The following ATP11C variants were observed in gnomAD, a reference collection of about 807,000 sequenced individuals.
ATP11C encodes the protein ATPase phospholipid transporting 11C (ATP11C blood group).
In ATP11C, 36 loss-of-function variants were observed where a neutral mutation model predicts 97.4. The observed-to-expected ratio is 0.37, with a 90% CI of 0.28 to 0.49. ATP11C has a LOEUF of 0.49. Among genes scored for constraint, ATP11C ranks in the 20% least tolerant of loss-of-function variants. The pLI is 0.98. For synonymous variants in ATP11C, 275 were observed against 290.9 expected, an observed-to-expected ratio of 0.95 and a Z score of 0.56; for missense variants, 730 against 824.6, an observed-to-expected ratio of 0.89 and a Z score of 1.40.
At position 139,745,762 on chromosome X, in the gene ATP11C, T is replaced by C; in HGVS notation, c.2924A>G (p.Tyr975Cys). 1 of 1,208,132 alleles carries C rather than the reference T, an allele frequency of 8.3e-7. No individual in the cohort carries two copies. The highest frequency in any genetic ancestry group is 1.7e-5 in the African/African-American group (1 of 57,573). ...TAGGGATGCAGTCTGAAAAAGAAAG[T>C]AAGTCCCAAAGAAGAACACTGTCCC... ...FEGTVFFFGT[Y>C]FLFQTASLEE... Residue 975 changes from tyrosine to cysteine, a missense_variant, in exon 25 of 30, where the codon TAC (tyrosine) becomes TGC (cysteine). Coordinates refer to ENST00000682941, the MANE Select transcript of ATP11C (RefSeq NM_001353812.2).
At chrX:139,740,673 C>T (rs1371751625) in intron 27 of ATP11C, among the ~76,000 whole-genome samples, 3 of 111,340 alleles carry the variant, frequency 2.7e-5, no homozygotes, top group Admixed American at 9.5e-5. Flanking sequence ...ATGAGTATTT[C>T]CTCTGAAAAT....
Position 139,728,358 on chromosome X carries a change from G to A in ATP11C, c.*608C>T, listed in dbSNP as rs1450960845. The A allele has an allele frequency of 8.9e-6, 1 of 112,034 alleles. No homozygotes were observed. Among genetic ancestry groups the A allele is most frequent in the Non-Finnish European group, 1.9e-5 (1 of 53,035 alleles). 9.2% of individuals were successfully genotyped at this position (112,034 alleles called of 1,213,427 possible). On this transcript the variant is annotated 3_prime_UTR_variant, in exon 30 of 30. Coordinates refer to ENST00000682941, the MANE Select transcript of ATP11C (RefSeq NM_001353812.2). ...AGCGTTCAAGGTATTTTTTTGGCAAGAATATTCTACCAAGACATTAGTAGC... is the reference window on the plus strand; with the variant it reads ...AGCGTTCAAGGTATTTTTTTGGCAAAAATATTCTACCAAGACATTAGTAGC...
chrX:139,916,261 G>C (rs1353175782), intron 1 of ATP11C, among the ~76,000 whole-genome samples: 1 of 107,742 alleles, frequency 9.3e-6, no homozygotes, highest in Non-Finnish European at 1.9e-5. Flanking sequence ...ACATCACTTA[G>C]TCTTTGATCT....
intron 25 of ATP11C, among the ~76,000 whole-genome samples, chrX:139,744,665 C>A (rs998147679): frequency 8.9e-6 from 1 of 111,914 alleles, no homozygotes; most frequent in African/African-American, 3.2e-5. Flanking sequence ...CAAATCCATT[C>A]TTCTTACTGA....
intron 1 of ATP11C, among the ~76,000 whole-genome samples, chrX:139,848,623 C>T (rs766640955): frequency 1.8e-5 from 2 of 110,618 alleles, no homozygotes; most frequent in South Asian, 7.8e-4. Flanking sequence ...TTTCAGCCTC[C>T]TGAGTAGCTG....
At chrX:139,852,637 A>C (rs999425458) in intron 1 of ATP11C, among the ~76,000 whole-genome samples, 1 of 109,559 alleles carries the variant, frequency 9.1e-6, no homozygotes, top group African/African-American at 3.3e-5. Context: ...GATCACCAAC[A>C]ACCCTGCTTA....
At chrX:139,830,573 T>C (rs1046218993) in intron 1 of ATP11C, among the ~76,000 whole-genome samples, 3 of 111,723 alleles carry the variant, frequency 2.7e-5, no homozygotes, top group African/African-American at 9.8e-5. Flanking sequence ...GCTACTTGGA[T>C]TATCAGCAAA....
intron 26 of ATP11C, 33 bp downstream of exon 26, chrX:139,743,526 A>G: frequency 1.0e-6 from 1 of 955,393 alleles, no homozygotes. Flanking sequence ...TAAAAACAGT[A>G]TTAAAAAATA....
chrX:139,771,460 C>T (rs778469612), intron 19 of ATP11C, among the ~76,000 whole-genome samples: 32 of 111,436 alleles, frequency 2.9e-4, no homozygotes, highest in Non-Finnish European at 4.5e-4. Context: ...AAACTGTGGA[C>T]GCAACTTTGG....
chrX:139,831,123 T>C (rs1053626797), intron 1 of ATP11C, among the ~76,000 whole-genome samples: 3 of 111,899 alleles, frequency 2.7e-5, no homozygotes, highest in African/African-American at 9.8e-5. Flanking sequence ...TTTCAGATTT[T>C]GCTTTTACTG....
chrX:139,858,869 A>G (rs759412050), intron 1 of ATP11C, among the ~76,000 whole-genome samples: 3 of 112,103 alleles, frequency 2.7e-5, no homozygotes, highest in Non-Finnish European at 5.6e-5. Flanking sequence ...TAATAATACC[A>G]TGGTTTTTAA....
At chrX:139,850,139 T>A (rs954690653) in intron 1 of ATP11C, among the ~76,000 whole-genome samples, 3 of 110,949 alleles carry the variant, frequency 2.7e-5, no homozygotes, top group Non-Finnish European at 5.7e-5. Flanking sequence ...CTATAAAAAA[T>A]AACTGAAAAT....
intron 1 of ATP11C, among the ~76,000 whole-genome samples, chrX:139,855,549 G>A (rs1021658608): frequency 9.0e-6 from 1 of 111,609 alleles, no homozygotes; most frequent in African/African-American, 3.3e-5. Context: ...CCAGAGTTGT[G>A]GGCCCTAGTC....
intron 1 of ATP11C, among the ~76,000 whole-genome samples, chrX:139,838,864 C>T (rs1000928622): frequency 4.5e-5 from 5 of 110,614 alleles, no homozygotes; most frequent in African/African-American, 1.3e-4. Flanking sequence ...AGGAAAATCG[C>T]TTGAACCCAG....
chrX:139,897,174 C>T (rs745473853), intron 1 of ATP11C, among the ~76,000 whole-genome samples: 343 of 110,503 alleles, frequency 3.1e-3, no homozygotes, highest in Non-Finnish European at 5.4e-3. Flanking sequence ...AGCAGTAAGC[C>T]GAGATTGGGC....
At chrX:139,732,526 C>T in intron 28 of ATP11C, 1 of 356,270 alleles carries the variant, frequency 2.8e-6, no homozygotes, top group Non-Finnish European at 5.4e-6. Flanking sequence ...GTTTCGTTAC[C>T]TTGTTCACAA....
intron 1 of ATP11C, among the ~76,000 whole-genome samples, chrX:139,863,464 A>G (rs2084234791): frequency 9.0e-6 from 1 of 110,912 alleles, no homozygotes; most frequent in Non-Finnish European, 1.9e-5. Flanking sequence ...ACCCAGGGGG[A>G]GGAGGTTGCA....
intron 5 of ATP11C, among the ~76,000 whole-genome samples, chrX:139,812,080 C>T (rs919127955): frequency 5.4e-5 from 6 of 111,142 alleles, no homozygotes; most frequent in Non-Finnish European, 1.1e-4. Flanking sequence ...GGCTTTAACA[C>T]TTCAAAGACT....
intron 1 of ATP11C, among the ~76,000 whole-genome samples, chrX:139,841,059 C>T (rs2083822570): frequency 8.9e-6 from 1 of 112,407 alleles, no homozygotes; most frequent in African/African-American, 3.2e-5. Flanking sequence ...TCAAAGGACA[C>T]TGGTGTGATA....
Sources: allele counts gnomAD v4.1 joint callset (sites outside exome capture counted in the v4.1 genomes callset), GRCh38; gene constraint gnomAD v4.1.1; transcripts MANE v1.5; gene names NCBI Gene and HGNC (gene_info 2026-07-23, HGNC 2026-07-21).